The following RBFOX1 variants were observed in gnomAD, a reference collection of about 807,000 sequenced individuals.
RBFOX1 encodes RNA binding fox-1 homolog 1.
A neutral mutation model predicts 57.7 loss-of-function variants in RBFOX1; 8 were observed. The ratio of observed to expected loss-of-function variants is 0.14; its 90% confidence interval spans 0.08 to 0.25. The LOEUF is 0.25. Ranked by LOEUF, RBFOX1 falls within the 10% of genes least tolerant of loss-of-function variation. The pLI, the probability that RBFOX1 is intolerant of heterozygous loss-of-function variation, is 1.00. For missense variants in RBFOX1, 611 were observed against 548.5 expected, an observed-to-expected ratio of 1.11 and a Z score of -1.14; for synonymous variants, 326 against 222.4, an observed-to-expected ratio of 1.47 and a Z score of -4.15.
intron 14 of RBFOX1, among the ~76,000 whole-genome samples, chr16:7,707,791 G>C (rs188164825): frequency 6.6e-6 from 1 of 152,124 alleles, no homozygotes; most frequent in African/African-American, 2.4e-5. Context: ...GGATCAGGTC[G>C]CAGATATTCA....
intron 1 of RBFOX1, among the ~76,000 whole-genome samples, chr16:5,459,388 GAC>G (rs372034991): frequency 6.6e-5 from 10 of 152,124 alleles, no homozygotes; most frequent in African/African-American, 2.4e-4. Flanking sequence ...GGTGGATTTT[GAC>G]ACAGAGAGAA....
chr16:5,866,022 C>T (rs1007180912), intron 3 of RBFOX1, among the ~76,000 whole-genome samples: 26 of 152,084 alleles, frequency 1.7e-4, no homozygotes, highest in African/African-American at 6.3e-4. Flanking sequence ...GGCTGGAGTG[C>T]AATGGCGCAA....
chr16:7,474,967 T>G (rs960840489), intron 4 of RBFOX1, among the ~76,000 whole-genome samples: 3 of 152,196 alleles, frequency 2.0e-5, no homozygotes, highest in Non-Finnish European at 2.9e-5. Flanking sequence ...CCGCCATCTT[T>G]CCCTTTGATT....
At chr16:5,745,120 G>T (rs1460053351) in intron 3 of RBFOX1, among the ~76,000 whole-genome samples, 1 of 152,092 alleles carries the variant, frequency 6.6e-6, no homozygotes, top group Non-Finnish European at 1.5e-5. Context: ...AGGCCCCGGT[G>T]TGTGATGTTC....
chr16:5,962,163 A>G (rs962340961), intron 4 of RBFOX1, among the ~76,000 whole-genome samples: 7 of 152,220 alleles, frequency 4.6e-5, no homozygotes, highest in African/African-American at 1.4e-4. Flanking sequence ...GAGATCTCAC[A>G]TCATACTTAC....
At chr16:5,507,625 G>A (rs1453032302) in intron 2 of RBFOX1, among the ~76,000 whole-genome samples, 1 of 152,204 alleles carries the variant, frequency 6.6e-6, no homozygotes, top group Non-Finnish European at 1.5e-5. Context: ...TTTGGAAATA[G>A]GGTCTTTGCA....
At chr16:5,301,695 C>A (rs888411388) in intron 1 of RBFOX1, among the ~76,000 whole-genome samples, 2 of 151,172 alleles carry the variant, frequency 1.3e-5, no homozygotes, top group Non-Finnish European at 2.9e-5. Flanking sequence ...CTTAGCAAAT[C>A]CTTGAGATAA....
chr16:7,673,598 G>GGTGCT (rs2072306737), intron 13 of RBFOX1, among the ~76,000 whole-genome samples: 1 of 152,110 alleles, frequency 6.6e-6, no homozygotes, highest in Non-Finnish European at 1.5e-5. Flanking sequence ...TGCTTAATGG[G>GGTGCT]TAACTACCTC....
chr16:5,351,699 C>T lies in RBFOX1; in HGVS notation c.219+111594C>T, dbSNP rs1213801675. Among the ~76,000 whole-genome samples the T allele has an allele frequency of 3.9e-5, 6 of 152,298 alleles. No homozygotes were observed. In the East Asian group the frequency reaches 9.6e-4, roughly 24 times the overall value. On this transcript the variant is annotated intron_variant, in intron 1 of 2. Transcript: ENST00000585867. ...AACTAGAGCGGTCAAGGGAGGAATT[C>T]AGGTTGGACCCTTGATATCGCTTAG...
chr16:7,331,721 G>C (rs2096699204), intron 4 of RBFOX1, among the ~76,000 whole-genome samples: 1 of 152,144 alleles, frequency 6.6e-6, no homozygotes, highest in Non-Finnish European at 1.5e-5. Flanking sequence ...ACAGGGTTCA[G>C]AGAGGCTAAG....
At chr16:6,819,467 G>A (rs2090836710) in intron 3 of RBFOX1, among the ~76,000 whole-genome samples, 1 of 152,024 alleles carries the variant, frequency 6.6e-6, no homozygotes, top group African/African-American at 2.4e-5. Context: ...ACTTAGGGAG[G>A]CCCAGGCGGG....
intron 1 of RBFOX1, among the ~76,000 whole-genome samples, chr16:5,365,187 C>T (rs549502144): frequency 1.0e-3 from 159 of 152,204 alleles, no homozygotes; most frequent in African/African-American, 3.6e-3. Flanking sequence ...CGTGGAGGTC[C>T]GCCTGTTCCC....
rs1010388846 is a variant in RBFOX1, at chr16:5,953,696, C to G, written c.351+86361C>G. ...TCATTCATTTTTAGGGCTAAGTAGT[C>G]TTCTGTCTTATATATATATATATAT... On this transcript the variant is annotated intron_variant, in intron 4 of 19. Transcript: ENST00000641259. 6.9e-5 allele frequency among the ~76,000 whole-genome samples: 9 copies of G among 131,260 alleles called. No homozygotes were observed. The South Asian group carries it at 2.1e-3, about 31-fold the overall frequency. 86.1% of individuals were successfully genotyped at this position (131,260 alleles called of 152,430 possible).
At position 7,245,970 on chromosome 16, in the gene RBFOX1, G is replaced by A. The variant is rs1198808857; in HGVS notation, c.27+193872G>A. Among the ~76,000 whole-genome samples, 109 of 152,162 alleles carry A rather than the reference G, an allele frequency of 7.2e-4. 1 individual carries two copies. Among genetic ancestry groups the A allele is most frequent in the Non-Finnish European group, 7.3e-5 (5 of 68,032 alleles). ...ACAATTAGCCCATCCCTGAAAAAAAGTATAGATTGCAGTGTAAATAGAAAT... is the reference window on the plus strand; with the variant it reads ...ACAATTAGCCCATCCCTGAAAAAAAATATAGATTGCAGTGTAAATAGAAAT... On this transcript the variant is annotated intron_variant, in intron 4 of 15. Coordinates refer to ENST00000550418, the MANE Select transcript of RBFOX1 (RefSeq NM_018723.4).
chr16:6,960,310 C>T (rs868812447), intron 3 of RBFOX1, among the ~76,000 whole-genome samples: 3 of 152,120 alleles, frequency 2.0e-5, no homozygotes, highest in Non-Finnish European at 4.4e-5. Flanking sequence ...TAATCACTTA[C>T]GTCTTTAGAC....
At chr16:5,362,858 G>A (rs111596075) in intron 1 of RBFOX1, among the ~76,000 whole-genome samples, 6,477 of 152,022 alleles carry the variant, frequency 0.043, 468 homozygotes, top group African/African-American at 0.15. Flanking sequence ...GTCAAATGTG[G>A]CAGGGTTTCC....
intron 1 of RBFOX1, among the ~76,000 whole-genome samples, chr16:6,083,779 C>G (rs28597771): frequency 0.045 from 6,892 of 152,094 alleles, 398 homozygotes; most frequent in African/African-American, 0.14. Flanking sequence ...ACCTGGCCCC[C>G]CTTCTTTGGT....
chr16:5,541,480 A>C (rs1448015513), intron 2 of RBFOX1, among the ~76,000 whole-genome samples: 7 of 152,134 alleles, frequency 4.6e-5, no homozygotes, highest in African/African-American at 1.7e-4. Context: ...CTGGAAAGGC[A>C]GGACAACTCA....
intron 3 of RBFOX1, among the ~76,000 whole-genome samples, chr16:6,927,450 T>G (rs1393266461): frequency 8.1e-6 from 1 of 123,620 alleles, no homozygotes; most frequent in Non-Finnish European, 1.6e-5. Flanking sequence ...TCCGAACGTC[T>G]CGTGTTAACA....
Sources: allele counts gnomAD v4.1 joint callset (sites outside exome capture counted in the v4.1 genomes callset), GRCh38; gene constraint gnomAD v4.1.1; transcripts MANE v1.5; gene names NCBI Gene and HGNC (gene_info 2026-07-23, HGNC 2026-07-21).